Variants in ITGB1 observed in about 807,000 individuals in gnomAD.
ITGB1 encodes the protein integrin subunit beta 1, also known as integrin beta-1.
A neutral mutation model predicts 86.5 loss-of-function variants in ITGB1; 24 were observed. The ratio of observed to expected loss-of-function variants is 0.28; its 90% CI spans 0.20 to 0.39. The LOEUF (loss-of-function observed/expected upper bound fraction) is 0.39, where lower values mean the gene tolerates loss of function less well. ITGB1 is among the 10% of genes least tolerant of loss of function. The pLI is 1.00. For synonymous variants in ITGB1, 323 were observed against 316.8 expected, an observed-to-expected ratio of 1.02 and a Z score of -0.21; for missense variants, 556 against 946.9, an observed-to-expected ratio of 0.59 and a Z score of 5.42.
chr10:32,943,251 G>A (rs1249692782), intron 1 of ITGB1, among the ~76,000 whole-genome samples: 1 of 152,076 alleles, frequency 6.6e-6, no homozygotes, highest in Non-Finnish European at 1.5e-5. Flanking sequence ...TAAACATTAT[G>A]AAACCAAAAT....
chr10:32,940,282 T>C (rs554017819), intron 1 of ITGB1, among the ~76,000 whole-genome samples: 169 of 151,396 alleles, frequency 1.1e-3, no homozygotes, highest in South Asian at 1.9e-3. Flanking sequence ...GAGATGGAGG[T>C]TACAGTGCGC....
intron 2 of ITGB1, among the ~76,000 whole-genome samples, chr10:32,933,735 A>G (rs140883406): frequency 1.3e-5 from 2 of 152,288 alleles, no homozygotes; most frequent in Non-Finnish European, 2.9e-5. Flanking sequence ...TAATACATGT[A>G]TTATTTACAT....
rs201176985 is a variant in ITGB1 at position 32,944,772 on chromosome 10, T to C, written c.1-9214A>G. On this transcript the variant is annotated intron_variant, in intron 1 of 15. Coordinates refer to ENST00000302278, the MANE Select transcript of ITGB1 (RefSeq NM_002211.4). ...AAACAATGCCTTACTGCTCGCTAGA[T>C]TCATCCTGCCAGTGGCTGAGTCTAC... The C allele has an allele frequency of 1.5e-5, 11 of 732,694 alleles. No individual in the cohort carries two copies. In the East Asian group the frequency reaches 2.5e-4, roughly 17 times the overall value. 45.4% of individuals were successfully genotyped at this position (732,694 alleles called of 1,614,324 possible).
In ITGB1 at chr10:32,901,559, AC is replaced by A; in HGVS notation, c.*10del. On this transcript the variant is annotated 3_prime_UTR_variant, in exon 16 of 16. Coordinates refer to ENST00000302278, the MANE Select transcript of ITGB1 (RefSeq NM_002211.4). ...TTGCATTCAGTGTTGTGGGATTTGC[AC>A]GGGCAGTACTCATTTTCCCTCATAC... is the stretch of plus-strand genomic sequence containing the variant. 1 of 1,537,530 alleles carries A rather than the reference AC, an allele frequency of 6.5e-7. No homozygotes were observed. The highest frequency in any genetic ancestry group is 8.9e-7 in the Non-Finnish European group (1 of 1,117,706).
chr10:32,905,928 C>A (rs1233057653), intron 15 of ITGB1, among the ~76,000 whole-genome samples: 1 of 152,158 alleles, frequency 6.6e-6, no homozygotes, highest in Non-Finnish European at 1.5e-5. Context: ...TCACAATTAA[C>A]CTTTGTTATC....
At chr10:32,940,743 C>T (rs1404063030) in intron 1 of ITGB1, among the ~76,000 whole-genome samples, 1 of 152,226 alleles carries the variant, frequency 6.6e-6, no homozygotes, top group Non-Finnish European at 1.5e-5. Context: ...CTCATTCATT[C>T]ACAAATTTTT....
intron 14 of ITGB1, among the ~76,000 whole-genome samples, chr10:32,909,245 G>T (rs980688786): frequency 6.6e-6 from 1 of 152,134 alleles, no homozygotes; most frequent in African/African-American, 2.4e-5. Context: ...CAACAAAGGT[G>T]GAGAAAAGAC....
intron 5 of ITGB1, among the ~76,000 whole-genome samples, chr10:32,926,529 G>A (rs1174043753): frequency 6.6e-6 from 1 of 152,086 alleles, no homozygotes; most frequent in African/African-American, 2.4e-5. Context: ...TTAAAATTGT[G>A]TGGCATCTCT....
intron 15 of ITGB1, among the ~76,000 whole-genome samples, chr10:32,903,351 C>CAAAAAAAA (rs35559257): frequency 8.6e-4 from 49 of 57,000 alleles, no homozygotes; most frequent in Non-Finnish European, 1.3e-3. Context: ...GACTCCATCT[C>CAAAAAAAA]AAAAAAAAAA....
intron 1 of ITGB1, among the ~76,000 whole-genome samples, chr10:32,948,875 C>A (rs950978709): frequency 6.6e-6 from 1 of 151,106 alleles, no homozygotes; most frequent in South Asian, 2.1e-4. Flanking sequence ...AAGCAAACCC[C>A]CCTGAAAGGA....
chr10:32,912,174 G>T, intron 11 of ITGB1, 50 bp from the exon 12 acceptor site: 1 of 1,493,178 alleles, frequency 6.7e-7, no homozygotes, highest in South Asian at 1.2e-5. Context: ...AATAATTTAA[G>T]AGGTTCCAAG....
At position 32,911,571 on chromosome 10, in the gene ITGB1, T is replaced by C. The variant is rs1165302915; in HGVS notation, c.1808A>G (p.Asn603Ser). The part of the protein sequence containing the change: ...SLDTSTCEAS[N>S]GQICNGRGIC... ...GCCCCGGCCATTGCAGATCTGTCCGTTGCTGGCTTCACAAGTACTAGTATC... is the reference window on the plus strand; with the variant it reads ...GCCCCGGCCATTGCAGATCTGTCCGCTGCTGGCTTCACAAGTACTAGTATC... Residue 603 changes from asparagine (N) to serine (S), a missense_variant, in exon 13 of 16, where the codon AAC (asparagine) becomes AGC (serine). This residue lies in a region of ITGB1 where 330 missense variants were observed against 531.5 expected (regional missense o/e 0.62). Transcript: ENST00000302278. 1.9e-6 allele frequency: 3 copies of C among 1,614,064 alleles called. No homozygotes were observed. Among genetic ancestry groups the C allele is most frequent in the Non-Finnish European group, 2.5e-6 (3 of 1,180,036 alleles).
intron 1 of ITGB1, chr10:32,957,841 G>T (rs117969846): frequency 0.077 from 11,682 of 152,242 alleles, 672 homozygotes; most frequent in South Asian, 0.27. Flanking sequence ...CAGCCCCGAC[G>T]TGACAGCGCC....
At chr10:32,956,448 C>T (rs2095052443) in intron 1 of ITGB1, among the ~76,000 whole-genome samples, 1 of 151,880 alleles carries the variant, frequency 6.6e-6, no homozygotes, top group African/African-American at 2.4e-5. Context: ...GGGCTCACGC[C>T]TGTAATCCCA....
intron 1 of ITGB1, among the ~76,000 whole-genome samples, chr10:32,948,692 TCA>T (rs2095036866): frequency 6.6e-6 from 1 of 152,132 alleles, no homozygotes; most frequent in African/African-American, 2.4e-5. Flanking sequence ...TTCTCTTCTC[TCA>T]CTCTCTTGCC....
At chr10:32,906,467 G>A in intron 15 of ITGB1, 1 of 222,142 alleles carries the variant, frequency 4.5e-6, no homozygotes, top group Non-Finnish European at 9.5e-6. Flanking sequence ...GCAGGCACCT[G>A]TAATCCCAGG....
chr10:32,935,463 A>G (rs1234144895), intron 2 of ITGB1, 29 bp downstream of exon 2: 1 of 1,488,926 alleles, frequency 6.7e-7, no homozygotes, highest in Non-Finnish European at 9.4e-7. Flanking sequence ...GGAAATGAAA[A>G]GACAACTAAG....
intron 8 of ITGB1, 70 bp downstream of exon 8, chr10:32,922,570 A>G (rs1233439402): frequency 4.0e-6 from 4 of 1,010,170 alleles, no homozygotes; most frequent in East Asian, 5.1e-5. Flanking sequence ...CCACATTTCA[A>G]TTCAGACATG....
Position 32,930,020 on chromosome 10 carries a change from T to C in ITGB1, c.178A>G (p.Thr60Ala), listed in dbSNP as rs200264507. 5.9e-5 allele frequency: 54 copies of C among 908,632 alleles called. No homozygotes were observed. Among genetic ancestry groups the C allele is most frequent in the Non-Finnish European group, 9.5e-5 (51 of 535,270 alleles). The allele number at this position is 908,632 out of a possible 1,614,324, so 56.3% of individuals were successfully genotyped here. ...NSTFLQEGMPTSARCDDLEAL... is the reference protein window; with the variant it reads ...NSTFLQEGMPASARCDDLEAL... ...TCTAAATCATCACATCGTGCAGAAG[T>C]AGGCATTCCTTCCTGTAAAAATGTC... Residue 60 changes from threonine (T) to alanine (A), a missense_variant, in exon 4 of 16, where the codon ACT (threonine) becomes GCT (alanine). This residue lies in a region of ITGB1 where 183 missense variants were observed against 263.9 expected (regional missense o/e 0.69). Coordinates refer to ENST00000302278, the MANE Select transcript of ITGB1 (RefSeq NM_002211.4).
Sources: allele counts gnomAD v4.1 joint callset (sites outside exome capture counted in the v4.1 genomes callset), GRCh38; gene constraint gnomAD v4.1.1; regional missense constraint gnomAD v4.1.1; transcripts MANE v1.5; gene names NCBI Gene and HGNC (gene_info 2026-07-23, HGNC 2026-07-21).